Variants in PDE4D observed in about 807,000 individuals in gnomAD.
PDE4D encodes the protein phosphodiesterase 4D.
A neutral mutation model predicts 87.4 loss-of-function variants in PDE4D; 24 were observed. The ratio of observed to expected loss-of-function variants is 0.27; its 90% confidence interval spans 0.20 to 0.39. The LOEUF (loss-of-function observed/expected upper bound fraction) is 0.39, where lower values mean the gene tolerates loss of function less well. Among genes scored for constraint, PDE4D ranks in the 10% least tolerant of loss-of-function variants. The pLI, the probability that PDE4D is intolerant of heterozygous loss-of-function variation, is 1.00. For missense variants in PDE4D, 714 were observed against 1,041.0 expected (o/e 0.69, Z 4.32); for synonymous variants, 384 against 383.2 (o/e 1.00, Z -0.02).
intron 5 of PDE4D, among the ~76,000 whole-genome samples, chr5:59,147,422 TC>T (rs1778833099): frequency 6.6e-6 from 1 of 152,306 alleles, no homozygotes; most frequent in South Asian, 2.1e-4. Context: ...TCAAACATTT[TC>T]TAAACCCTCA....
intron 1 of PDE4D, among the ~76,000 whole-genome samples, chr5:59,406,375 T>C (rs973502846): frequency 2.3e-5 from 2 of 86,262 alleles, no homozygotes; most frequent in African/African-American, 8.7e-5. Context: ...ACGTCTCCCT[T>C]ATCTTTCCTT....
intron 2 of PDE4D, among the ~76,000 whole-genome samples, chr5:60,013,889 C>A (rs184326445): frequency 6.6e-6 from 1 of 151,876 alleles, no homozygotes; most frequent in African/African-American, 2.4e-5. Context: ...TGCAAGAGAC[C>A]GAGACCATCC....
intron 1 of PDE4D, among the ~76,000 whole-genome samples, chr5:59,251,149 A>T (rs1383820335): frequency 6.6e-6 from 1 of 152,208 alleles, no homozygotes; most frequent in Non-Finnish European, 1.5e-5. Context: ...ACCAAAAGCA[A>T]TCACAATAAA....
At chr5:59,436,477 T>C (rs1796813884) in intron 1 of PDE4D, among the ~76,000 whole-genome samples, 1 of 152,200 alleles carries the variant, frequency 6.6e-6, no homozygotes, top group Non-Finnish European at 1.5e-5. Context: ...TAGTAAAAGA[T>C]GTTAACATTC....
intron 1 of PDE4D, among the ~76,000 whole-genome samples, chr5:59,231,220 A>C (rs1755111673): frequency 6.6e-6 from 1 of 152,224 alleles, no homozygotes; most frequent in African/African-American, 2.4e-5. Flanking sequence ...GGCTGAAGAC[A>C]AAATGACCTT....
At chr5:59,042,394 C>G (rs1224242944) in intron 5 of PDE4D, among the ~76,000 whole-genome samples, 1 of 152,140 alleles carries the variant, frequency 6.6e-6, no homozygotes, top group African/African-American at 2.4e-5. Flanking sequence ...CCACACCAAG[C>G]AACACACCTA....
intron 2 of PDE4D, among the ~76,000 whole-genome samples, chr5:60,006,317 T>C (rs1764473801): frequency 6.6e-6 from 1 of 151,932 alleles, no homozygotes; most frequent in South Asian, 2.1e-4. Context: ...CAATTACTAT[T>C]CTCTGTACTT....
At chr5:59,645,969 A>C (rs895489907) in intron 1 of PDE4D, among the ~76,000 whole-genome samples, 12 of 152,236 alleles carry the variant, frequency 7.9e-5, no homozygotes, top group African/African-American at 2.9e-4. Context: ...AGAAAACATA[A>C]TAGAATCATG....
At chr5:60,338,598 G>T (rs1277614776) in intron 1 of PDE4D, among the ~76,000 whole-genome samples, 3 of 152,152 alleles carry the variant, frequency 2.0e-5, no homozygotes, top group Non-Finnish European at 4.4e-5. Flanking sequence ...ACATGTCCAT[G>T]TGACTCGCCC....
intron 2 of PDE4D, among the ~76,000 whole-genome samples, chr5:60,091,570 C>G (rs1342065668): frequency 1.3e-5 from 2 of 152,038 alleles, no homozygotes; most frequent in Non-Finnish European, 2.9e-5. Flanking sequence ...GTGAAAAACA[C>G]TATGGAGGTT....
chr5:59,461,349 T>C (rs1407114476), intron 1 of PDE4D, among the ~76,000 whole-genome samples: 1 of 152,100 alleles, frequency 6.6e-6, no homozygotes, highest in East Asian at 1.9e-4. Context: ...TTCTGTAGTG[T>C]TTGGATTTTT....
At chr5:59,848,479 T>C (rs1423671705) in intron 1 of PDE4D, among the ~76,000 whole-genome samples, 1 of 152,064 alleles carries the variant, frequency 6.6e-6, no homozygotes, top group Admixed American at 6.6e-5. Context: ...TGTAAGTTTT[T>C]GCAGCCACTA....
At chr5:59,325,651 T>C (rs564065333) in intron 1 of PDE4D, among the ~76,000 whole-genome samples, 3 of 152,294 alleles carry the variant, frequency 2.0e-5, no homozygotes, top group East Asian at 3.9e-4. Flanking sequence ...TGTATACTTA[T>C]AGTTACTTGT....
At chr5:59,545,340 C>A (rs1259528185) in intron 1 of PDE4D, among the ~76,000 whole-genome samples, 1 of 151,634 alleles carries the variant, frequency 6.6e-6, no homozygotes, top group Non-Finnish European at 1.5e-5. Flanking sequence ...GATTCCAAGA[C>A]CACTCACGTA....
intron 1 of PDE4D, among the ~76,000 whole-genome samples, chr5:59,466,767 A>G (rs116086528): frequency 0.025 from 3,780 of 152,306 alleles, 74 homozygotes; most frequent in Non-Finnish European, 0.036. Flanking sequence ...ATCAATCCTT[A>G]TCCTTGATGA....
chr5:59,518,864 A>C (rs1811670309), intron 1 of PDE4D, among the ~76,000 whole-genome samples: 1 of 152,214 alleles, frequency 6.6e-6, no homozygotes, highest in South Asian at 2.1e-4. Context: ...CACAACTATA[A>C]ATGGAAAGTC....
At chr5:60,321,731 A>G (rs1363604906) in intron 1 of PDE4D, among the ~76,000 whole-genome samples, 2 of 152,226 alleles carry the variant, frequency 1.3e-5, no homozygotes, top group Non-Finnish European at 2.9e-5. Context: ...AAGTGAGCAA[A>G]GGACATGAAC....
intron 1 of PDE4D, chr5:59,430,598 T>G (rs962526007): frequency 2.6e-6 from 1 of 384,512 alleles, no homozygotes; most frequent in Non-Finnish European, 4.5e-6. Flanking sequence ...CTACCTTGTT[T>G]TCTGTTCATT....
intron 5 of PDE4D, among the ~76,000 whole-genome samples, chr5:59,156,889 T>C (rs1251900028): frequency 6.6e-6 from 1 of 152,106 alleles, no homozygotes; most frequent in East Asian, 1.9e-4. Flanking sequence ...TTCTACCATG[T>C]AATGCCTAAG....
Sources: gnomAD v4.1 joint callset for allele counts (sites outside exome capture counted in the v4.1 genomes callset) on GRCh38, gnomAD v4.1.1 for gene constraint, MANE v1.5 for transcripts, NCBI Gene and HGNC (gene_info 2026-07-23, HGNC 2026-07-21) for gene names.